Variants in RGS7 observed in about 807,000 individuals in gnomAD.
The protein encoded by RGS7 is regulator of G protein signaling 7.
A neutral mutation model predicts 81.1 loss-of-function variants in RGS7; 27 were observed. That is an observed-to-expected ratio of 0.33 (90% CI 0.25 to 0.46). The LOEUF (loss-of-function observed/expected upper bound fraction) is 0.46, where lower values mean the gene tolerates loss of function less well. Ranked by LOEUF, RGS7 falls within the 20% of genes least tolerant of loss-of-function variation. RGS7 has a pLI of 1.00. For missense variants in RGS7, 396 were observed against 607.4 expected (o/e 0.65, Z 3.66); for synonymous variants, 208 against 207.7 (o/e 1.00, Z -0.01).
At chr1:241,307,054 A>G (rs923561470) in intron 2 of RGS7, among the ~76,000 whole-genome samples, 1 of 152,228 alleles carries the variant, frequency 6.6e-6, no homozygotes, top group Non-Finnish European at 1.5e-5. Context: ...GTTTGAATAG[A>G]TTTTTATTGA....
At chr1:240,884,251 A>T (rs12068325) in intron 6 of RGS7, among the ~76,000 whole-genome samples, 1 of 151,912 alleles carries the variant, frequency 6.6e-6, no homozygotes, top group Non-Finnish European at 1.5e-5. Flanking sequence ...TATGAATTAA[A>T]AATATACATT....
chr1:241,264,325 C>T (rs891719595), intron 2 of RGS7, among the ~76,000 whole-genome samples: 2 of 152,056 alleles, frequency 1.3e-5, no homozygotes, highest in Admixed American at 1.3e-4. Context: ...TGGTGAAAGC[C>T]CATCTCTACT....
intron 3 of RGS7, among the ~76,000 whole-genome samples, chr1:241,043,570 ATATAT>A (rs912067544): frequency 6.8e-6 from 1 of 147,332 alleles, no homozygotes; most frequent in Admixed American, 6.8e-5. Context: ...GTTATATTTT[ATATAT>A]TATATTAGTT....
At chr1:241,114,347 CTTTTT>C (rs2065741316) in intron 2 of RGS7, among the ~76,000 whole-genome samples, 7 of 152,260 alleles carry the variant, frequency 4.6e-5, no homozygotes, top group Middle Eastern at 3.4e-3. Flanking sequence ...CTTTCTCTCT[CTTTTT>C]ATTATAAAGC....
At chr1:240,849,297 T>C (rs947903994) in intron 9 of RGS7, among the ~76,000 whole-genome samples, 49 of 152,200 alleles carry the variant, frequency 3.2e-4, no homozygotes, top group African/African-American at 1.1e-3. Context: ...TGATCTGTTA[T>C]GTTAACCTCA....
intron 2 of RGS7, among the ~76,000 whole-genome samples, chr1:241,278,966 A>G (rs1242364133): frequency 6.6e-6 from 1 of 152,124 alleles, no homozygotes; most frequent in Non-Finnish European, 1.5e-5. Flanking sequence ...TCCACCATAA[A>G]AGGAACACAT....
chr1:241,085,973 A>T (rs2500246), intron 3 of RGS7, among the ~76,000 whole-genome samples: 4 of 152,054 alleles, frequency 2.6e-5, no homozygotes, highest in Non-Finnish European at 5.9e-5. Flanking sequence ...TGCTGCTCCA[A>T]GTGAACTAAG....
At chr1:241,011,172 T>C (rs895634974) in intron 3 of RGS7, among the ~76,000 whole-genome samples, 2 of 152,194 alleles carry the variant, frequency 1.3e-5, no homozygotes, top group Admixed American at 1.3e-4. Flanking sequence ...GATTTTGTTT[T>C]TCACATTTTT....
At chr1:241,019,922 G>A (rs12073292) in intron 3 of RGS7, among the ~76,000 whole-genome samples, 4,959 of 152,186 alleles carry the variant, frequency 0.033, 202 homozygotes, top group African/African-American at 0.097. Context: ...ATTTTGGTTT[G>A]TCCAGATTTT....
chr1:241,151,339 G>A (rs1395190867), intron 2 of RGS7, among the ~76,000 whole-genome samples: 3 of 152,144 alleles, frequency 2.0e-5, no homozygotes, highest in Non-Finnish European at 4.4e-5. Context: ...TCCCCACAGA[G>A]AGTCAGAGCA....
intron 9 of RGS7, among the ~76,000 whole-genome samples, chr1:240,847,738 T>C (rs1425826561): frequency 6.6e-6 from 1 of 152,196 alleles, no homozygotes; most frequent in Non-Finnish European, 1.5e-5. Flanking sequence ...CCATTCTTTA[T>C]AGTCAGGTTT....
intron 2 of RGS7, among the ~76,000 whole-genome samples, chr1:241,235,637 CTTT>C (rs1052559099): frequency 4.1e-5 from 4 of 97,860 alleles, no homozygotes; most frequent in South Asian, 3.5e-4. Flanking sequence ...TCTCTTTTTT[CTTT>C]TTTCTCATTC....
intron 6 of RGS7, among the ~76,000 whole-genome samples, chr1:240,921,852 A>C (rs557098668): frequency 6.6e-6 from 1 of 152,188 alleles, no homozygotes; most frequent in Admixed American, 6.5e-5. Flanking sequence ...AATTCAATGC[A>C]ATCTCCATAT....
chr1:241,206,230 CTTTT>C (rs35296035), intron 2 of RGS7, among the ~76,000 whole-genome samples: 2 of 135,942 alleles, frequency 1.5e-5, no homozygotes, highest in Non-Finnish European at 1.6e-5. Flanking sequence ...AAAGAATGAA[CTTTT>C]TTTTTTTTTT....
chr1:241,155,090 C>T (rs921201419), intron 2 of RGS7, among the ~76,000 whole-genome samples: 1 of 152,100 alleles, frequency 6.6e-6, no homozygotes, highest in Admixed American at 6.5e-5. Context: ...ATTAATATTG[C>T]AATACAATCA....
Position 240,895,296 on chromosome 1 carries a change from T to G in RGS7, c.386-25177A>C, listed in dbSNP as rs868384642. The stretch of plus-strand genomic sequence containing the variant: ...TCTTTCTTTCTTTCTTTTTTCTTTC[T>G]TTTTAGTTATACTTTAAGTTCTAGG... On this transcript the variant is annotated intron_variant, in intron 6 of 18. Coordinates refer to ENST00000440928, the MANE Select transcript of RGS7 (RefSeq NM_001364886.1). Among the ~76,000 whole-genome samples the G allele has an allele frequency of 3.4e-4, 39 of 116,024 alleles. 1 individual carries two copies. The highest frequency in any genetic ancestry group is 5.1e-4 in the Non-Finnish European group (25 of 48,902). 76.1% of individuals were successfully genotyped at this position (116,024 alleles called of 152,430 possible).
chr1:240,849,227 C>T (rs963551724), intron 9 of RGS7, among the ~76,000 whole-genome samples: 1 of 152,128 alleles, frequency 6.6e-6, no homozygotes, highest in Admixed American at 6.5e-5. Flanking sequence ...CAAGTTACCC[C>T]CTTCGTTTTT....
At position 240,959,688 on chromosome 1, in the gene RGS7, C is replaced by T. The variant is rs183638414; in HGVS notation, c.227-22982G>A. Among the ~76,000 whole-genome samples the T allele has an allele frequency of 1.3e-3, 194 of 152,218 alleles. 1 individual carries two copies. Among genetic ancestry groups the T allele is most frequent in the African/African-American group, 4.5e-3 (186 of 41,540 alleles). ...CATTTATTTTTTATTTTAAAAAGGA[C>T]ACTTCACCATAACATCTTGATAATT... On this transcript the variant is annotated intron_variant, in intron 4 of 18. Transcript: ENST00000440928.
At chr1:240,802,864 G>T in intron 16 of RGS7, 40 bp downstream of exon 16, 2 of 1,263,588 alleles carry the variant, frequency 1.6e-6, no homozygotes, top group East Asian at 4.6e-5. Context: ...TTATAACTGA[G>T]AACTAGGCCA....
Sources: gnomAD v4.1 joint callset for allele counts (sites outside exome capture counted in the v4.1 genomes callset) on GRCh38, gnomAD v4.1.1 for gene constraint, MANE v1.5 for transcripts, NCBI Gene and HGNC (gene_info 2026-07-23, HGNC 2026-07-21) for gene names.